The following ATXN7L1 variants were observed in gnomAD, a reference collection of about 807,000 sequenced individuals.
ATXN7L1 encodes the protein ataxin-7-like protein 1.
In ATXN7L1, 15 loss-of-function variants were observed where a neutral mutation model predicts 70.8. That is an observed-to-expected ratio of 0.21 (90% CI 0.14 to 0.33). The LOEUF is 0.33. Ranked by LOEUF, ATXN7L1 falls within the 10% of genes least tolerant of loss-of-function variation. The pLI is 1.00. For synonymous variants in ATXN7L1, 440 were observed against 445.1 expected (o/e 0.99, Z 0.14); for missense variants, 975 against 1,097.1 (o/e 0.89, Z 1.57).
At chr7:105,651,625 G>A (rs1799853688) in intron 4 of ATXN7L1, among the ~76,000 whole-genome samples, 1 of 152,170 alleles carries the variant, frequency 6.6e-6, no homozygotes, top group African/African-American at 2.4e-5. Flanking sequence ...AGAACGAGGT[G>A]GGGCCAGATT....
chr7:105,800,400 TC>T (rs1425209190), intron 2 of ATXN7L1, among the ~76,000 whole-genome samples: 3 of 152,164 alleles, frequency 2.0e-5, no homozygotes, highest in Admixed American at 1.3e-4. Flanking sequence ...GGAGCCTTCT[TC>T]AATTCCCGCA....
At chr7:105,864,105 A>G (rs1223915939) in intron 2 of ATXN7L1, among the ~76,000 whole-genome samples, 1 of 152,066 alleles carries the variant, frequency 6.6e-6, no homozygotes, top group Non-Finnish European at 1.5e-5. Context: ...CTCAACCAAT[A>G]AACAGTAGTT....
chr7:105,758,866 A>G (rs760979416), intron 3 of ATXN7L1, among the ~76,000 whole-genome samples: 1 of 152,204 alleles, frequency 6.6e-6, no homozygotes, highest in African/African-American at 2.4e-5. Flanking sequence ...TGAACACAGG[A>G]CAGTAAAAAA....
At chr7:105,754,863 C>T (rs2116395623) in intron 3 of ATXN7L1, among the ~76,000 whole-genome samples, 1 of 152,290 alleles carries the variant, frequency 6.6e-6, no homozygotes, top group South Asian at 2.1e-4. Context: ...AGGTAAGGTC[C>T]CTGCCCTCAT....
At chr7:105,723,710 T>G (rs1795466511) in intron 3 of ATXN7L1, among the ~76,000 whole-genome samples, 1 of 152,146 alleles carries the variant, frequency 6.6e-6, no homozygotes, top group Admixed American at 6.5e-5. Context: ...GCCTCTTCCC[T>G]TGTGAAGGCA....
chr7:105,613,869 G>A lies in ATXN7L1; in HGVS notation c.2465C>T (p.Ser822Phe). ...TGCCAGGAGGTCCCTTACCTGCCGAGAGGAGGTGCTGTTAACGGGATCGGG... is the reference window on the plus strand; with the variant it reads ...TGCCAGGAGGTCCCTTACCTGCCGAAAGGAGGTGCTGTTAACGGGATCGGG... ...PVPDPVNSTS[S>F]RQVGKNSSLA... is the part of the protein sequence containing the mutation. The change falls in exon 10 of 12, where the codon TCT becomes TTT. Residue 822 changes from serine to phenylalanine, a missense_variant. Physicochemically the swap from Ser to Phe is radical, Grantham distance 155. Around this residue, in one of 5 missense-constraint regions of ATXN7L1, gnomAD observed 635 missense variants for 699.4 expected, o/e 0.91. Transcript: ENST00000419735. 1.3e-6 allele frequency: 2 copies of A among 1,551,998 alleles called. No homozygotes were observed. Among genetic ancestry groups the A allele is most frequent in the Non-Finnish European group, 1.7e-6 (2 of 1,147,050 alleles).
At chr7:105,690,091 G>A (rs1192137111) in intron 3 of ATXN7L1, among the ~76,000 whole-genome samples, 2 of 152,146 alleles carry the variant, frequency 1.3e-5, no homozygotes, top group Non-Finnish European at 2.9e-5. Flanking sequence ...AGCAACCTCC[G>A]CCTCCTGGGT....
intron 9 of ATXN7L1, among the ~76,000 whole-genome samples, chr7:105,616,147 T>C (rs1349213745): frequency 6.6e-6 from 1 of 152,234 alleles, no homozygotes; most frequent in Non-Finnish European, 1.5e-5. Flanking sequence ...GATTAGGAAC[T>C]AGCTTTCCTT....
rs368503916 is a variant in ATXN7L1 at position 105,634,245 on chromosome 7, C to T, written c.1202+4108G>A. Among the ~76,000 whole-genome samples, 149 of 152,296 alleles carry T rather than the reference C, an allele frequency of 9.8e-4. 2 individuals are homozygous for T. Among genetic ancestry groups the T allele is most frequent in the African/African-American group, 3.2e-3 (135 of 41,566 alleles). ...CTACATCACCCGTCCCCTGTCTGCC[C>T]GCCAGTCTGGTCTAACGTCAAAGCA... On this transcript the variant is annotated intron_variant, in intron 7 of 11. Transcript: ENST00000419735.
intron 3 of ATXN7L1, among the ~76,000 whole-genome samples, chr7:105,683,467 T>C (rs646489): frequency 0.17 from 25,193 of 151,986 alleles, 2,278 homozygotes; most frequent in South Asian, 0.34. Context: ...TCACTTAAGG[T>C]CAGGAGTTCA....
rs547612816 is a variant in ATXN7L1, at chr7:105,678,627, G to A, written c.356-13339C>T. Among the ~76,000 whole-genome samples, 13 of 152,340 alleles carry A rather than the reference G, an allele frequency of 8.5e-5. No homozygotes were observed. In the South Asian group the frequency reaches 2.7e-3, roughly 32 times the overall value. On this transcript the variant is annotated intron_variant, in intron 3 of 11. Transcript: ENST00000419735. ...AACAAAGAAACACAATGACTGAGTA[G>A]ATAAGTGCACTGAGTAGATAATACA...
intron 3 of ATXN7L1, among the ~76,000 whole-genome samples, chr7:105,757,046 C>G (rs576407413): frequency 2.6e-5 from 4 of 152,162 alleles, no homozygotes; most frequent in Non-Finnish European, 5.9e-5. Flanking sequence ...ACTACAAATA[C>G]TACCTTCAAA....
At chr7:105,746,180 C>T (rs1404577487) in intron 3 of ATXN7L1, among the ~76,000 whole-genome samples, 1 of 152,228 alleles carries the variant, frequency 6.6e-6, no homozygotes, top group Non-Finnish European at 1.5e-5. Context: ...GCCACCAGGA[C>T]TGCTCGGCTG....
At position 105,788,661 on chromosome 7, in the gene ATXN7L1, C is replaced by T. The variant is rs781515280; in HGVS notation, c.298G>A (p.Val100Ile). The change falls in exon 3 of 12, where the codon GTA becomes ATA. Residue 100 changes from valine to isoleucine, a missense_variant. Coordinates refer to ENST00000419735, the MANE Select transcript of ATXN7L1 (RefSeq NM_020725.2). ...HYPAHDDFYLVVCSACNQVVK... is the reference protein window; with the variant it reads ...HYPAHDDFYLIVCSACNQVVK... ...ACCTGGTTACAGGCACTGCACACTA[C>T]GAGATAGAAGTCGTCATGTGCTGGG... 19 of 1,613,844 alleles carry T rather than the reference C, an allele frequency of 1.2e-5. No individual in the cohort carries two copies. The highest frequency in any genetic ancestry group is 4.5e-5 in the East Asian group (2 of 44,894).
chr7:105,777,685 G>A (rs966384478), intron 3 of ATXN7L1, among the ~76,000 whole-genome samples: 3 of 152,134 alleles, frequency 2.0e-5, no homozygotes, highest in African/African-American at 4.8e-5. Flanking sequence ...ATCTGTTACC[G>A]CTAGCTATGC....
At chr7:105,619,139 A>ATTTTTTTTTTTTTTT (rs1794365463) in intron 9 of ATXN7L1, among the ~76,000 whole-genome samples, 6 of 23,574 alleles carry the variant, frequency 2.5e-4, no homozygotes, top group Non-Finnish European at 4.9e-4. Context: ...TGAAATCTTT[A>ATTTTTTTTTTTTTTT]GTTTTTTTTT....
At chr7:105,609,373 G>A (rs1157055353) in intron 11 of ATXN7L1, among the ~76,000 whole-genome samples, 1 of 152,038 alleles carries the variant, frequency 6.6e-6, no homozygotes, top group African/African-American at 2.4e-5. Flanking sequence ...TTCACCATGT[G>A]GGCAAGGCTA....
At chr7:105,736,017 G>C (rs1370026638) in intron 3 of ATXN7L1, among the ~76,000 whole-genome samples, 1 of 152,188 alleles carries the variant, frequency 6.6e-6, no homozygotes, top group Non-Finnish European at 1.5e-5. Context: ...TGGGGCTGAA[G>C]ACAGACAGTA....
intron 3 of ATXN7L1, chr7:105,761,477 AT>A (rs1800537343): frequency 6.2e-7 from 1 of 1,613,906 alleles, no homozygotes; most frequent in South Asian, 1.1e-5. Context: ...TGGAAAGTAA[AT>A]GCTTTGTTGG....
Sources: allele counts gnomAD v4.1 joint callset (sites outside exome capture counted in the v4.1 genomes callset), GRCh38; gene constraint gnomAD v4.1.1; regional missense constraint gnomAD v4.1.1; transcripts MANE v1.5; gene names NCBI Gene and HGNC (gene_info 2026-07-23, HGNC 2026-07-21).